TIAM1: variants seen among roughly 807,000 people sequenced by gnomAD.
TIAM1 encodes TIAM Rac1 associated GEF 1.
TIAM1 carries 65 observed loss-of-function variants against 163.5 expected under a neutral mutation model. That is an observed-to-expected ratio of 0.40 (90% CI 0.33 to 0.49). The LOEUF is 0.49. Ranked by LOEUF, TIAM1 falls within the 20% of genes least tolerant of loss-of-function variation. TIAM1 has a pLI of 0.77. For synonymous variants in TIAM1, 833 were observed against 810.1 expected (o/e 1.03, Z -0.48); for missense variants, 1,789 against 2,044.7 (o/e 0.87, Z 2.41).
chr21:31,285,185 C>A (rs758294464), intron 2 of TIAM1, among the ~76,000 whole-genome samples: 13 of 150,054 alleles, frequency 8.7e-5, no homozygotes, highest in Non-Finnish European at 1.6e-4. Flanking sequence ...TTCCCCAAGC[C>A]ACCCCCCCAA....
intron 2 of TIAM1, among the ~76,000 whole-genome samples, chr21:31,457,072 C>G (rs1213458236): frequency 1.3e-5 from 2 of 152,160 alleles, no homozygotes; most frequent in African/African-American, 4.8e-5. Flanking sequence ...CTCTCTCCCC[C>G]TTTTTACTGA....
intron 6 of TIAM1, among the ~76,000 whole-genome samples, chr21:31,239,091 TAAC>T (rs1242446768): frequency 3.3e-5 from 5 of 152,126 alleles, no homozygotes; most frequent in African/African-American, 1.2e-4. Flanking sequence ...GATTTCCAAT[TAAC>T]AAATAAAAAC....
At chr21:31,530,591 G>T (rs2047938103) in intron 1 of TIAM1, among the ~76,000 whole-genome samples, 1 of 152,212 alleles carries the variant, frequency 6.6e-6, no homozygotes, top group Non-Finnish European at 1.5e-5. Flanking sequence ...AAACTGTGGG[G>T]CACCCCAGTG....
chr21:31,177,702 T>C (rs752673561), intron 15 of TIAM1, among the ~76,000 whole-genome samples: 18 of 152,324 alleles, frequency 1.2e-4, no homozygotes, highest in African/African-American at 3.1e-4. Context: ...TGCTTCTACA[T>C]AGAAGAAACA....
intron 2 of TIAM1, among the ~76,000 whole-genome samples, chr21:31,358,309 CCT>C (rs968049591): frequency 5.3e-5 from 8 of 152,162 alleles, no homozygotes; most frequent in Non-Finnish European, 1.2e-4. Flanking sequence ...CTGCTTGCTT[CCT>C]CTTTCTTTTG....
intron 2 of TIAM1, among the ~76,000 whole-genome samples, chr21:31,430,210 G>GA (rs57117941): frequency 0.017 from 1,512 of 89,378 alleles, 19 homozygotes; most frequent in East Asian, 0.03. Flanking sequence ...CCATCTCAAA[G>GA]AAAAAAAAAA....
At chr21:31,194,467 G>A (rs552337284) in intron 13 of TIAM1, among the ~76,000 whole-genome samples, 6 of 152,088 alleles carry the variant, frequency 3.9e-5, no homozygotes, top group Non-Finnish European at 7.4e-5. Context: ...TATAGTTTTC[G>A]GGAGGGGGTG....
upstream of TIAM1, among the ~76,000 whole-genome samples, chr21:31,348,111 A>G (rs1315921551): frequency 6.6e-6 from 1 of 151,882 alleles, no homozygotes; most frequent in East Asian, 1.9e-4. Context: ...CTCTCTCTAT[A>G]TATTAGATCT....
rs372701010 is a variant in TIAM1 at position 31,218,518 on chromosome 21, G to A, written c.1996-819C>T. 7.3e-5 allele frequency among the ~76,000 whole-genome samples: 11 copies of A among 150,830 alleles called. No homozygotes were observed. The East Asian group carries it at 1.8e-3, about 25-fold the overall frequency. ...CAGGAGATGGAGGTTGCAGTGAGCTGAGAACACGCCACTGCACTCTAGCCT... is the reference window on the plus strand; with the variant it reads ...CAGGAGATGGAGGTTGCAGTGAGCTAAGAACACGCCACTGCACTCTAGCCT... On this transcript the variant is annotated intron_variant, in intron 8 of 27. Coordinates refer to ENST00000541036, the MANE Select transcript of TIAM1 (RefSeq NM_001353694.2).
At chr21:31,357,714 A>G (rs115954207) in intron 2 of TIAM1, among the ~76,000 whole-genome samples, 2,932 of 152,278 alleles carry the variant, frequency 0.019, 31 homozygotes, top group African/African-American at 0.033. Context: ...ACTCCAGTGC[A>G]TCTTCCATCC....
chr21:31,557,844 GGTGA>G, intron 1 of TIAM1, among the ~76,000 whole-genome samples: 1 of 152,286 alleles, frequency 6.6e-6, no homozygotes, highest in East Asian at 1.9e-4. Flanking sequence ...ACTGGAACCG[GGTGA>G]GTGTGGCCGA....
chr21:31,185,634 T>G (rs952978947), intron 14 of TIAM1, among the ~76,000 whole-genome samples: 3 of 145,356 alleles, frequency 2.1e-5, no homozygotes, highest in Non-Finnish European at 4.5e-5. Context: ...TTATATATCA[T>G]TATATGATAA....
chr21:31,518,300 T>A lies in TIAM1; in HGVS notation c.-422+40627A>T, dbSNP rs192587452. ...TTTTTTGTGGGTTTTTTGGGGTTTT[T>A]TTTTGAAATGAAGTTTCACTCTTGT... is the stretch of plus-strand genomic sequence containing the variant. On this transcript the variant is annotated intron_variant, in intron 1 of 28. Coordinates refer to the TIAM1 transcript ENST00000286827. Among the ~76,000 whole-genome samples the A allele has an allele frequency of 1.1e-3, 174 of 152,238 alleles. 2 individuals carry two copies. The highest frequency in any genetic ancestry group is 3.9e-3 in the African/African-American group (164 of 41,550).
At chr21:31,374,608 C>A (rs930413005) in intron 2 of TIAM1, among the ~76,000 whole-genome samples, 2 of 152,194 alleles carry the variant, frequency 1.3e-5, no homozygotes, top group South Asian at 4.1e-4. Context: ...TCAAGACTCC[C>A]TGGGACAAGC....
At chr21:31,430,247 T>TACACACACACAC (rs1202910634) in intron 2 of TIAM1, among the ~76,000 whole-genome samples, 1 of 106,940 alleles carries the variant, frequency 9.4e-6, no homozygotes, top group African/African-American at 3.7e-5. Flanking sequence ...TATATATATA[T>TACACACACACAC]ACACACACAC....
intron 6 of TIAM1, 97 bp from the exon 7 acceptor site, chr21:31,226,047 G>T: frequency 9.6e-7 from 1 of 1,043,804 alleles, no homozygotes; most frequent in Non-Finnish European, 1.4e-6. Context: ...CCTGGGAGTC[G>T]AGGTGACAGG....
intron 2 of TIAM1, among the ~76,000 whole-genome samples, chr21:31,333,639 T>C (rs2075750100): frequency 6.6e-6 from 1 of 152,148 alleles, no homozygotes; most frequent in African/African-American, 2.4e-5. Context: ...GAGCCCTCAC[T>C]TTATTGCCCA....
At chr21:31,433,498 G>T (rs2044111055) in intron 2 of TIAM1, among the ~76,000 whole-genome samples, 2 of 152,152 alleles carry the variant, frequency 1.3e-5, no homozygotes, top group Admixed American at 1.3e-4. Flanking sequence ...ATGCTTTATG[G>T]TCCATTCTTT....
At chr21:31,235,913 T>C (rs1423202708) in intron 6 of TIAM1, among the ~76,000 whole-genome samples, 1 of 152,194 alleles carries the variant, frequency 6.6e-6, no homozygotes, top group Non-Finnish European at 1.5e-5. Context: ...CACTTCAACA[T>C]CCACATTCTC....
Sources: gnomAD v4.1 joint callset for allele counts (sites outside exome capture counted in the v4.1 genomes callset) on GRCh38, gnomAD v4.1.1 for gene constraint, MANE v1.5 for transcripts, NCBI Gene and HGNC (gene_info 2026-07-23, HGNC 2026-07-21) for gene names.